Variants in CCR3 observed in about 807,000 individuals in gnomAD.
The protein encoded by CCR3 is C-C motif chemokine receptor 3.
For synonymous variants in CCR3, 203 were observed against 179.2 expected (o/e 1.13, Z -1.06); for missense variants, 419 against 437.5 (o/e 0.96, Z 0.38).
At chr3:46,223,754 C>T (rs1357833215) in intron 2 of CCR3, among the ~76,000 whole-genome samples, 1 of 152,142 alleles carries the variant, frequency 6.6e-6, no homozygotes, top group Non-Finnish European at 1.5e-5. Context: ...AGCAAGAATT[C>T]TTTTGGCTCC....
chr3:46,265,981 C>G lies in CCR3; in HGVS notation c.823C>G (p.Arg275Gly). The G allele has an allele frequency of 1.2e-6, 2 of 1,613,994 alleles. No homozygotes were observed. Among genetic ancestry groups the G allele is most frequent in the Non-Finnish European group, 1.7e-6 (2 of 1,179,930 alleles). Residue 275 changes from arginine to glycine, a missense_variant, in exon 2 of 2, where the codon CGG (arginine) becomes GGG (glycine). Transcript: ENST00000395940. ...QSILFGNDCE[R>G]SKHLDLVMLV... ...CATCTTATTTGGAAATGACTGTGAG[C>G]GGAGCAAGCATCTGGACCTGGTCAT...
intron 1 of CCR3, chr3:46,264,526 A>T (rs955265094): frequency 1.1e-6 from 1 of 930,060 alleles, no homozygotes; most frequent in African/African-American, 1.7e-5. Context: ...GGAGAAATGG[A>T]CATGGATAGA....
rs1699762798 is a variant in CCR3, at chr3:46,215,441, A to C, written c.-68+4534A>C. Among the ~76,000 whole-genome samples the C allele has an allele frequency of 2.0e-5, 3 of 152,096 alleles. No homozygotes were observed. The South Asian group carries it at 6.2e-4, about 32-fold the overall frequency. The stretch of plus-strand genomic sequence containing the variant: ...TTAACAAGTCCTCCAGGTGCTTCTT[A>C]TTTATGCTAGAGTTTGAGAATCAGT... On this transcript the variant is annotated intron_variant, in intron 2 of 3. Transcript: ENST00000357422.
At chr3:46,247,009 T>C (rs1241257835) in intron 1 of CCR3, among the ~76,000 whole-genome samples, 1 of 151,954 alleles carries the variant, frequency 6.6e-6, no homozygotes, top group East Asian at 1.9e-4. Context: ...AAAAACTAAA[T>C]GGAATAAGAG....
At chr3:46,264,382 CA>C in intron 1 of CCR3, 1 of 1,515,644 alleles carries the variant, frequency 6.6e-7, no homozygotes, top group Non-Finnish European at 8.9e-7. Flanking sequence ...GTATTTTTTT[CA>C]CAGCTGCTGT....
upstream of CCR3, among the ~76,000 whole-genome samples, chr3:46,238,251 A>AT (rs1438014941): frequency 1.6e-5 from 1 of 63,178 alleles, no homozygotes; most frequent in African/African-American, 9.7e-5. Context: ...GATATTGTCA[A>AT]TTTAAAAAAA....
chr3:46,243,510 A>T (rs1287272217), intron 1 of CCR3, among the ~76,000 whole-genome samples: 1 of 151,990 alleles, frequency 6.6e-6, no homozygotes, highest in Non-Finnish European at 1.5e-5. Flanking sequence ...TGGGTGAATG[A>T]GATTGTCTGT....
chr3:46,261,607 G>A (rs1700526770), intron 1 of CCR3, among the ~76,000 whole-genome samples: 1 of 152,330 alleles, frequency 6.6e-6, no homozygotes, highest in Middle Eastern at 3.4e-3. Flanking sequence ...AGAGCTAGGG[G>A]GCATGGAGCG....
chr3:46,261,826 G>A (rs1700530134), intron 1 of CCR3, among the ~76,000 whole-genome samples: 1 of 152,236 alleles, frequency 6.6e-6, no homozygotes, highest in African/African-American at 2.4e-5. Flanking sequence ...AGGAAAAGGT[G>A]CATAGCCTGG....
intron 1 of CCR3, among the ~76,000 whole-genome samples, chr3:46,248,584 CGT>C: frequency 6.6e-6 from 1 of 152,118 alleles, no homozygotes; most frequent in East Asian, 1.9e-4. Flanking sequence ...AGGGAGAGCA[CGT>C]GTGTTTTTAT....
At chr3:46,265,096 G>A (rs535223919) in intron 1 of CCR3, 52 bp from the exon 2 acceptor site, 36 of 1,209,346 alleles carry the variant, frequency 3.0e-5, no homozygotes, top group African/African-American at 1.4e-4. Flanking sequence ...TGTGTTTTAC[G>A]AAGGATGATT....
intron 1 of CCR3, chr3:46,263,689 A>G (rs1372461774): frequency 6.6e-6 from 1 of 152,116 alleles, no homozygotes; most frequent in Non-Finnish European, 1.5e-5. Context: ...ATTTTTCCTC[A>G]TCACAACCCC....
rs1559540531 is a variant in CCR3, at chr3:46,265,209, T to TG, written c.52dup (p.Asp18GlyfsTer2). 6.2e-7 allele frequency: 1 copy of TG among 1,613,864 alleles called. No homozygotes were observed. Among genetic ancestry groups the TG allele is most frequent in the East Asian group, 2.2e-5 (1 of 44,858 alleles). On this transcript the variant is annotated frameshift_variant, in exon 2 of 2. Coordinates refer to ENST00000395940, the MANE Select transcript of CCR3 (RefSeq NM_178329.3). LOFTEE classifies it low-confidence loss of function (END_TRUNC). ...AGACCTTTGGTACCACATCCTACTA[T>TG]GATGACGTGGGCCTGCTCTGTGAAA...
intron 2 of CCR3, among the ~76,000 whole-genome samples, chr3:46,227,367 G>A (rs1451717986): frequency 1.3e-5 from 2 of 151,998 alleles, no homozygotes; most frequent in Non-Finnish European, 2.9e-5. Flanking sequence ...GGTGATTTAT[G>A]TCTTCTCTTT....
chr3:46,262,102 T>TAAG (rs1410081874), intron 1 of CCR3, among the ~76,000 whole-genome samples: 7 of 152,320 alleles, frequency 4.6e-5, no homozygotes, highest in Non-Finnish European at 5.9e-5. Context: ...TCCAGATCTC[T>TAAG]GCCACCATCT....
chr3:46,220,159 C>T (rs892933952), intron 2 of CCR3, among the ~76,000 whole-genome samples: 19 of 152,020 alleles, frequency 1.2e-4, no homozygotes, highest in Non-Finnish European at 8.8e-5. Context: ...CAAATAATCC[C>T]ATCAAAAAGC....
chr3:46,226,874 A>T (rs1029537669), intron 2 of CCR3, among the ~76,000 whole-genome samples: 105 of 147,718 alleles, frequency 7.1e-4, no homozygotes, highest in African/African-American at 2.1e-3. Context: ...ATATATATAT[A>T]TTTTCTTTTT....
At chr3:46,233,294 G>A (rs1699987182) in intron 2 of CCR3, among the ~76,000 whole-genome samples, 1 of 152,160 alleles carries the variant, frequency 6.6e-6, no homozygotes, top group Admixed American at 6.5e-5. Context: ...AGTCTGGCTG[G>A]AGCCCCACAT....
chr3:46,245,384 C>T (rs1700170062), intron 1 of CCR3, among the ~76,000 whole-genome samples: 1 of 149,244 alleles, frequency 6.7e-6, no homozygotes, highest in Non-Finnish European at 1.5e-5. Flanking sequence ...AGTCTACTTC[C>T]TCTTCTACAG....
Sources: gnomAD v4.1 joint callset for allele counts (sites outside exome capture counted in the v4.1 genomes callset) on GRCh38, gnomAD v4.1.1 for gene constraint, MANE v1.5 for transcripts, NCBI Gene and HGNC (gene_info 2026-07-23, HGNC 2026-07-21) for gene names.